Variants in CNTNAP2 observed in about 807,000 individuals in gnomAD.
CNTNAP2 encodes the protein contactin-associated protein-like 2.
A neutral mutation model predicts 155.2 loss-of-function variants in CNTNAP2; 98 were observed. The ratio of observed to expected loss-of-function variants is 0.63; its 90% CI spans 0.54 to 0.75. The LOEUF is 0.75. Among genes scored for constraint, CNTNAP2 ranks in the 30% least tolerant of loss-of-function variants. The pLI, the probability that CNTNAP2 is intolerant of heterozygous loss-of-function variation, is 0.00. For synonymous variants in CNTNAP2, 651 were observed against 631.2 expected (o/e 1.03, Z -0.47); for missense variants, 1,727 against 1,688.1 (o/e 1.02, Z -0.40).
At chr7:147,005,863 C>T (rs984578125) in intron 3 of CNTNAP2, among the ~76,000 whole-genome samples, 1 of 152,020 alleles carries the variant, frequency 6.6e-6, no homozygotes, top group African/African-American at 2.4e-5. Flanking sequence ...AAATAATCAG[C>T]TCAAAATAAT....
intron 8 of CNTNAP2, among the ~76,000 whole-genome samples, chr7:147,171,880 T>A (rs570035856): frequency 6.6e-5 from 10 of 152,172 alleles, no homozygotes; most frequent in African/African-American, 2.2e-4. Flanking sequence ...ATCATGAAAC[T>A]TACCAGTGAA....
chr7:146,832,586 A>G (rs1803534305), intron 2 of CNTNAP2, among the ~76,000 whole-genome samples: 1 of 148,030 alleles, frequency 6.8e-6, no homozygotes, highest in Non-Finnish European at 1.5e-5. Context: ...TATTAATATT[A>G]ACTTCAATAT....
At chr7:146,693,315 C>CA (rs1800728656) in intron 1 of CNTNAP2, among the ~76,000 whole-genome samples, 13 of 151,796 alleles carry the variant, frequency 8.6e-5, no homozygotes, top group Admixed American at 8.5e-4. Flanking sequence ...AATTAGATGT[C>CA]TTATTTTTTG....
intron 16 of CNTNAP2, among the ~76,000 whole-genome samples, chr7:148,127,755 C>T (rs1186602422): frequency 6.6e-6 from 1 of 152,194 alleles, no homozygotes; most frequent in Non-Finnish European, 1.5e-5. Context: ...TGAAGAATGT[C>T]TAATTCCACT....
chr7:146,682,227 G>T (rs569060243), intron 1 of CNTNAP2, among the ~76,000 whole-genome samples: 1 of 151,874 alleles, frequency 6.6e-6, no homozygotes, highest in African/African-American at 2.4e-5. Context: ...ATGTATATAC[G>T]TATGTATATG....
At chr7:147,830,094 A>G (rs1185309071) in intron 13 of CNTNAP2, among the ~76,000 whole-genome samples, 1 of 151,904 alleles carries the variant, frequency 6.6e-6, no homozygotes, top group Non-Finnish European at 1.5e-5. Flanking sequence ...GGGGCATTCA[A>G]TACATATGTG....
At chr7:147,453,995 C>T (rs1797877710) in intron 10 of CNTNAP2, among the ~76,000 whole-genome samples, 1 of 119,194 alleles carries the variant, frequency 8.4e-6, no homozygotes, top group South Asian at 2.9e-4. Context: ...TAGGAACTGG[C>T]TTATAAAACT....
chr7:147,606,941 T>TA (rs1461289908), intron 12 of CNTNAP2, among the ~76,000 whole-genome samples: 1 of 151,936 alleles, frequency 6.6e-6, no homozygotes, highest in African/African-American at 2.4e-5. Flanking sequence ...ATTTTTTTTT[T>TA]AATGAGTGAA....
chr7:147,332,470 C>T (rs958442970), intron 9 of CNTNAP2, among the ~76,000 whole-genome samples: 10 of 152,074 alleles, frequency 6.6e-5, no homozygotes, highest in African/African-American at 1.7e-4. Flanking sequence ...GCCTGATTAA[C>T]ACCTGGAGAG....
At chr7:146,682,223 A>G (rs1267092808) in intron 1 of CNTNAP2, among the ~76,000 whole-genome samples, 1 of 152,138 alleles carries the variant, frequency 6.6e-6, no homozygotes, top group Admixed American at 6.5e-5. Context: ...ATATATGTAT[A>G]TACGTATGTA....
At chr7:147,146,065 A>G (rs1801695096) in intron 8 of CNTNAP2, among the ~76,000 whole-genome samples, 1 of 152,226 alleles carries the variant, frequency 6.6e-6, no homozygotes, top group Non-Finnish European at 1.5e-5. Context: ...GAGGCAGCAG[A>G]TAATTATCGC....
chr7:147,525,644 T>C lies in CNTNAP2; in HGVS notation c.1778-36494T>C, dbSNP rs1025621087. ...AGTCCTTGAACTTTATTCTGGAAGA[T>C]TGTGATTTAATGGATTTAATGGGGC... On this transcript the variant is annotated intron_variant, in intron 11 of 23. Coordinates refer to ENST00000361727, the MANE Select transcript of CNTNAP2 (RefSeq NM_014141.6). Among the ~76,000 whole-genome samples the C allele has an allele frequency of 3.3e-5, 5 of 152,290 alleles. No homozygotes were observed. The South Asian group carries it at 6.2e-4, about 19-fold the overall frequency.
intron 18 of CNTNAP2, among the ~76,000 whole-genome samples, chr7:148,180,033 A>G (rs935227761): frequency 1.6e-4 from 24 of 152,248 alleles, no homozygotes. Flanking sequence ...AAATTAATTA[A>G]TACAAAATAT....
At chr7:146,436,591 T>A (rs1230981643) in intron 1 of CNTNAP2, among the ~76,000 whole-genome samples, 1 of 151,978 alleles carries the variant, frequency 6.6e-6, no homozygotes, top group Non-Finnish European at 1.5e-5. Flanking sequence ...AAATGATAAA[T>A]ACAGAAAAGC....
At chr7:147,975,597 C>G (rs1216462398) in intron 14 of CNTNAP2, among the ~76,000 whole-genome samples, 1 of 152,092 alleles carries the variant, frequency 6.6e-6, no homozygotes, top group Non-Finnish European at 1.5e-5. Context: ...ATAGATCTCA[C>G]TTGTACCAAA....
At chr7:147,485,384 T>C (rs1798492795) in intron 10 of CNTNAP2, among the ~76,000 whole-genome samples, 1 of 152,198 alleles carries the variant, frequency 6.6e-6, no homozygotes, top group Non-Finnish European at 1.5e-5. Flanking sequence ...GCTTGCTGCC[T>C]CTTTCAGCAG....
At chr7:147,820,205 G>A (rs967692084) in intron 13 of CNTNAP2, among the ~76,000 whole-genome samples, 9 of 152,050 alleles carry the variant, frequency 5.9e-5, no homozygotes, top group African/African-American at 1.9e-4. Context: ...TCCAGTGGGT[G>A]TACAGTGATC....
chr7:147,969,917 T>G (rs1273233876), intron 14 of CNTNAP2, among the ~76,000 whole-genome samples: 1 of 151,430 alleles, frequency 6.6e-6, no homozygotes, highest in Non-Finnish European at 1.5e-5. Flanking sequence ...GAATTTATTT[T>G]ATTTTATTTT....
intron 8 of CNTNAP2, among the ~76,000 whole-genome samples, chr7:147,164,253 G>A (rs955459522): frequency 3.3e-5 from 5 of 152,204 alleles, no homozygotes; most frequent in African/African-American, 1.2e-4. Flanking sequence ...CTAGGACTGA[G>A]TTTATAAAGC....
Sources: gnomAD v4.1 joint callset for allele counts (sites outside exome capture counted in the v4.1 genomes callset) on GRCh38, gnomAD v4.1.1 for gene constraint, MANE v1.5 for transcripts, NCBI Gene and HGNC (gene_info 2026-07-23, HGNC 2026-07-21) for gene names.